The following FAR2 variants were observed in gnomAD, a reference collection of about 807,000 sequenced individuals.
FAR2 encodes the protein fatty acyl-CoA reductase 2, also known as epididymis secretory protein Li 81.
FAR2 carries 19 observed loss-of-function variants against 56.0 expected under a neutral mutation model. The ratio of observed to expected loss-of-function variants is 0.34; its 90% CI spans 0.24 to 0.50. FAR2 has a LOEUF of 0.50. Among genes scored for constraint, FAR2 ranks in the 20% least tolerant of loss-of-function variants. FAR2 has a pLI of 0.98. For missense variants in FAR2, 508 were observed against 642.2 expected, an observed-to-expected ratio of 0.79 and a Z score of 2.26; for synonymous variants, 219 against 218.8, an observed-to-expected ratio of 1.00 and a Z score of -0.01.
chr12:29,176,052 A>G (rs10771487), intron 1 of FAR2, among the ~76,000 whole-genome samples: 99,709 of 152,050 alleles, frequency 0.66, 34,454 homozygotes, highest in Non-Finnish European at 0.76. Context: ...TTAAATTTGC[A>G]CTTCTGTAGT....
chr12:29,238,477 A>T (rs1947975977), intron 1 of FAR2, among the ~76,000 whole-genome samples: 2 of 152,084 alleles, frequency 1.3e-5, no homozygotes, highest in Non-Finnish European at 2.9e-5. Context: ...TTTTAAAAAT[A>T]TCTCTGTTTT....
At chr12:29,268,536 T>G (rs1291574761) in intron 1 of FAR2, among the ~76,000 whole-genome samples, 2 of 152,208 alleles carry the variant, frequency 1.3e-5, no homozygotes, top group African/African-American at 4.8e-5. Flanking sequence ...GCCCAAGCTA[T>G]TTCAGGGCAC....
chr12:29,161,647 T>TG (rs149394723), intron 1 of FAR2, among the ~76,000 whole-genome samples: 3,945 of 152,340 alleles, frequency 0.026, 163 homozygotes, highest in African/African-American at 0.087. Flanking sequence ...CACATTTCTT[T>TG]GGGGTATACT....
chr12:29,317,921 C>T (rs1160245032), intron 9 of FAR2: 1 of 152,698 alleles, frequency 6.5e-6, no homozygotes, highest in Non-Finnish European at 1.5e-5. Flanking sequence ...ACCAGATTTA[C>T]TGCCACCTAG....
intron 1 of FAR2, among the ~76,000 whole-genome samples, chr12:29,208,826 T>C (rs562519619): frequency 6.0e-4 from 92 of 152,250 alleles, no homozygotes; most frequent in African/African-American, 2.1e-3. Context: ...AACCTAGAAT[T>C]GGACTAATGA....
intron 1 of FAR2, among the ~76,000 whole-genome samples, chr12:29,204,263 G>A (rs1947453670): frequency 1.3e-5 from 2 of 152,068 alleles, no homozygotes; most frequent in South Asian, 2.1e-4. Flanking sequence ...TCTAAACCAG[G>A]ACTATGTTGG....
chr12:29,193,532 G>A (rs1950119801), intron 1 of FAR2, among the ~76,000 whole-genome samples: 1 of 152,132 alleles, frequency 6.6e-6, no homozygotes, highest in Admixed American at 6.5e-5. Context: ...CTTTCACTCA[G>A]TAATATGCTT....
chr12:29,310,524 A>G (rs1012715955), intron 6 of FAR2, among the ~76,000 whole-genome samples: 3 of 152,232 alleles, frequency 2.0e-5, no homozygotes, highest in Non-Finnish European at 4.4e-5. Context: ...TCTTTTATTA[A>G]TGGTGGAATT....
intron 1 of FAR2, among the ~76,000 whole-genome samples, chr12:29,243,457 T>G (rs1189574913): frequency 6.6e-6 from 1 of 152,198 alleles, no homozygotes; most frequent in Admixed American, 6.5e-5. Context: ...TTCTCATTTG[T>G]AAATTCAGTT....
chr12:29,194,052 A>G (rs141820033), intron 1 of FAR2, among the ~76,000 whole-genome samples: 51 of 152,272 alleles, frequency 3.3e-4, no homozygotes, highest in African/African-American at 1.0e-3. Context: ...TGGCATGTCA[A>G]TTTTCTCTTG....
chr12:29,284,661 T>G (rs1474897920), intron 2 of FAR2, among the ~76,000 whole-genome samples: 3 of 152,210 alleles, frequency 2.0e-5, no homozygotes, highest in African/African-American at 4.8e-5. Context: ...TTGAATCCTT[T>G]TGAGACTATC....
chr12:29,287,000 C>G (rs1028886232), intron 2 of FAR2, among the ~76,000 whole-genome samples: 1 of 152,156 alleles, frequency 6.6e-6, no homozygotes, highest in African/African-American at 2.4e-5. Flanking sequence ...TAAGTAACTT[C>G]CCCCAGTCAC....
intron 1 of FAR2, among the ~76,000 whole-genome samples, chr12:29,188,764 A>G (rs562001498): frequency 9.9e-5 from 14 of 140,904 alleles, no homozygotes; most frequent in Non-Finnish European, 1.7e-4. Flanking sequence ...TGTTTGTTTG[A>G]TTGTTTGTTT....
intron 1 of FAR2, among the ~76,000 whole-genome samples, chr12:29,186,449 T>A (rs1161940261): frequency 6.6e-6 from 1 of 151,042 alleles, no homozygotes; most frequent in Non-Finnish European, 1.5e-5. Flanking sequence ...TCCATGTTCA[T>A]CATTATTTTG....
intron 1 of FAR2, among the ~76,000 whole-genome samples, chr12:29,207,500 G>A (rs915541874): frequency 1.3e-5 from 2 of 152,130 alleles, no homozygotes; most frequent in Admixed American, 6.5e-5. Flanking sequence ...CATTTACAAG[G>A]ACAAAGGGAG....
At chr12:29,242,593 AG>A (rs772651786) in intron 1 of FAR2, among the ~76,000 whole-genome samples, 5 of 152,232 alleles carry the variant, frequency 3.3e-5, no homozygotes, top group East Asian at 1.9e-4. Context: ...ATACAGAAGT[AG>A]GATTGCCATT....
At chr12:29,232,112 T>A (rs186189033) in intron 1 of FAR2, among the ~76,000 whole-genome samples, 2 of 152,294 alleles carry the variant, frequency 1.3e-5, no homozygotes, top group African/African-American at 4.8e-5. Context: ...CAGTTTCCAA[T>A]ATAAGATGAG....
intron 1 of FAR2, among the ~76,000 whole-genome samples, chr12:29,270,122 T>A (rs1948589977): frequency 6.6e-6 from 1 of 152,216 alleles, no homozygotes. Context: ...TATTTAACAG[T>A]CTCTTTATTG....
rs140593142 is a variant in FAR2, at chr12:29,259,441, C to T, written c.-38-10971C>T. ...AAAAATGTTTCTCTCCAGTGGACTA[C>T]GAAGACATTTGGATAAATTTGTCTT... is the stretch of plus-strand genomic sequence containing the variant. On this transcript the variant is annotated intron_variant, in intron 1 of 11. Transcript: ENST00000536681. 9.9e-5 allele frequency among the ~76,000 whole-genome samples: 15 copies of T among 152,274 alleles called. 1 individual carries two copies. The highest frequency in any genetic ancestry group is 3.3e-4 in the Admixed American group (5 of 15,290).
Sources: gnomAD v4.1 joint callset for allele counts (sites outside exome capture counted in the v4.1 genomes callset) on GRCh38, gnomAD v4.1.1 for gene constraint, MANE v1.5 for transcripts, NCBI Gene and HGNC (gene_info 2026-07-23, HGNC 2026-07-21) for gene names.